DYRK1A: variants seen among roughly 807,000 people sequenced by gnomAD.
The protein encoded by DYRK1A is dual specificity tyrosine phosphorylation regulated kinase 1A, also known as dual specificity tyrosine-phosphorylation-regulated kinase 1A.
In DYRK1A, 9 loss-of-function variants were observed where a neutral mutation model predicts 79.7. The observed-to-expected ratio is 0.11, with a 90% CI of 0.07 to 0.20. The LOEUF is 0.20. Among genes scored for constraint, DYRK1A ranks in the 10% least tolerant of loss-of-function variants. The probability of loss-of-function intolerance (pLI) is 1.00; values close to 1 mark genes in which losing one functional copy is unlikely to be tolerated. For missense variants in DYRK1A, 622 were observed against 956.0 expected, an observed-to-expected ratio of 0.65 and a Z score of 4.61; for synonymous variants, 349 against 329.7, an observed-to-expected ratio of 1.06 and a Z score of -0.63.
At chr21:37,478,360 G>C in intron 4 of DYRK1A, 60 bp downstream of exon 4, 1 of 1,526,978 alleles carries the variant, frequency 6.5e-7, no homozygotes, top group Non-Finnish European at 8.9e-7. Context: ...GAAAAAAAGT[G>C]TGACCTATTT....
At chr21:37,455,135 A>G (rs913985614) in intron 2 of DYRK1A, among the ~76,000 whole-genome samples, 3 of 148,874 alleles carry the variant, frequency 2.0e-5, no homozygotes, top group African/African-American at 7.5e-5. Flanking sequence ...AGAGTGGTGT[A>G]TATATTTTGA....
Position 37,366,986 on chromosome 21 carries a change from G to A in DYRK1A, c.-719G>A. ...GACACCCCGAGCGGGGGGTGCGGGC[G>A]CCGCCGCCGCCGCTTCTGCTGCTGC... On this transcript the variant is annotated 5_prime_UTR_variant, in exon 1 of 12. Transcript: ENST00000647188. 6.1e-6 allele frequency: 1 copy of A among 163,360 alleles called. No homozygotes were observed. Among genetic ancestry groups the A allele is most frequent in the Non-Finnish European group, 1.3e-5 (1 of 75,200 alleles). The allele number at this position is 163,360 out of a possible 1,614,324, so 10.1% of individuals were successfully genotyped here.
At chr21:37,410,202 A>G (rs755991638) in intron 1 of DYRK1A, among the ~76,000 whole-genome samples, 1 of 152,208 alleles carries the variant, frequency 6.6e-6, no homozygotes, top group Non-Finnish European at 1.5e-5. Context: ...GTTTGTTAAG[A>G]TTTGAGAAGA....
intron 1 of DYRK1A, among the ~76,000 whole-genome samples, chr21:37,402,509 T>G (rs987069110): frequency 2.0e-5 from 3 of 152,232 alleles, no homozygotes; most frequent in African/African-American, 4.8e-5. Flanking sequence ...TACCAGTCTT[T>G]TCTTCTGGCT....
rs2053876001 is a variant in DYRK1A, at chr21:37,515,906, C to T, written c.*3375C>T. 1 of 151,910 alleles carries T rather than the reference C, an allele frequency of 6.6e-6. No homozygotes were observed. The highest frequency in any genetic ancestry group is 2.1e-4 in the South Asian group (1 of 4,814). 9.4% of individuals were successfully genotyped at this position (151,910 alleles called of 1,614,324 possible). A position where few individuals can be genotyped will look rare whatever the true frequency, so the allele number is the denominator to read the frequency against. On this transcript the variant is annotated 3_prime_UTR_variant, in exon 12 of 12. Coordinates refer to ENST00000647188, the MANE Select transcript of DYRK1A (RefSeq NM_001347721.2). ...AAAGATTCAGTAATTATGTTAGGCT[C>T]ACAAGTGACCATTGAGTTTGCCCCT...
chr21:37,408,272 G>A (rs1285707665), intron 1 of DYRK1A, among the ~76,000 whole-genome samples: 1 of 152,126 alleles, frequency 6.6e-6, no homozygotes, highest in Non-Finnish European at 1.5e-5. Flanking sequence ...GAAGATGACT[G>A]TACTTCTGAC....
rs1052254236 is a variant in DYRK1A, at chr21:37,514,884, A to C, written c.*2353A>C. On this transcript the variant is annotated 3_prime_UTR_variant, in exon 12 of 12. Transcript: ENST00000647188. ...GCCACATCTTAGCAAGCACCAAAAA[A>C]CTAAAGCAGTTTTTAAACCGATATT... 4 of 152,642 alleles carry C rather than the reference A, an allele frequency of 2.6e-5. No homozygotes were observed. Among genetic ancestry groups the C allele is most frequent in the Non-Finnish European group, 5.9e-5 (4 of 68,050 alleles). 9.5% of individuals were successfully genotyped at this position (152,642 alleles called of 1,614,324 possible). A position where few individuals can be genotyped will look rare whatever the true frequency, so the allele number is the denominator to read the frequency against.
At chr21:37,403,246 A>G (rs916734982) in intron 1 of DYRK1A, among the ~76,000 whole-genome samples, 6 of 151,774 alleles carry the variant, frequency 4.0e-5, no homozygotes, top group African/African-American at 7.3e-5. Context: ...GAGATCCCCT[A>G]TCTGTTCACA....
intron 1 of DYRK1A, among the ~76,000 whole-genome samples, chr21:37,412,401 C>A (rs1164455595): frequency 2.6e-5 from 4 of 152,134 alleles, no homozygotes; most frequent in African/African-American, 4.8e-5. Flanking sequence ...CACAGTAGTT[C>A]CCAAACTTCG....
At chr21:37,507,523 G>A (rs1474951066) in intron 11 of DYRK1A, among the ~76,000 whole-genome samples, 1 of 151,984 alleles carries the variant, frequency 6.6e-6, no homozygotes, top group African/African-American at 2.4e-5. Flanking sequence ...CGGTGTCAGC[G>A]GTGACCTTTA....
At position 37,526,340 on chromosome 21, in the gene DYRK1A, A is replaced by G. The variant is rs1182564278; in HGVS notation, c.*13809A>G. The G allele has an allele frequency of 6.6e-6, 1 of 152,192 alleles. No individual in the cohort carries two copies. The highest frequency in any genetic ancestry group is 1.5e-5 in the Non-Finnish European group (1 of 68,026). 9.4% of individuals were successfully genotyped at this position (152,192 alleles called of 1,614,324 possible). ...AAAATGTATAAATGTGTTTTATGTA[A>G]TAAATATGCTAAGCTAAACATCTTA... On this transcript the variant is annotated 3_prime_UTR_variant, in exon 12 of 12. Coordinates refer to ENST00000647188, the MANE Select transcript of DYRK1A (RefSeq NM_001347721.2).
chr21:37,468,915 A>T (rs1315185144), intron 2 of DYRK1A, among the ~76,000 whole-genome samples: 1 of 152,248 alleles, frequency 6.6e-6, no homozygotes, highest in Non-Finnish European at 1.5e-5. Context: ...CCTGTAACCA[A>T]TAGGGGCTCG....
At chr21:37,372,617 G>C (rs2049455583) in intron 1 of DYRK1A, among the ~76,000 whole-genome samples, 1 of 152,120 alleles carries the variant, frequency 6.6e-6, no homozygotes, top group Non-Finnish European at 1.5e-5. Flanking sequence ...TCTGTTGGCT[G>C]TGTGACTTTA....
At chr21:37,486,824 A>G (rs1455152649) in intron 6 of DYRK1A, 2 of 392,290 alleles carry the variant, frequency 5.1e-6, no homozygotes, top group Non-Finnish European at 4.5e-6. Context: ...GTAGCATACC[A>G]TGTAGAAACA....
intron 11 of DYRK1A, among the ~76,000 whole-genome samples, chr21:37,507,141 C>T (rs567652267): frequency 6.6e-6 from 1 of 152,288 alleles, no homozygotes; most frequent in East Asian, 1.9e-4. Flanking sequence ...GAACTCTCTC[C>T]ACTTTGTAAC....
At chr21:37,414,933 GAGTT>G (rs1569302471) in intron 1 of DYRK1A, among the ~76,000 whole-genome samples, 1 of 152,164 alleles carries the variant, frequency 6.6e-6, no homozygotes, top group Admixed American at 6.5e-5. Flanking sequence ...TACATATTTT[GAGTT>G]AGTAACAGAG....
intron 1 of DYRK1A, among the ~76,000 whole-genome samples, chr21:37,416,070 A>G (rs565637836): frequency 1.3e-5 from 2 of 152,286 alleles, no homozygotes; most frequent in South Asian, 4.1e-4. Context: ...ATGTGGGACC[A>G]TAGTTCACAA....
chr21:37,405,484 T>A (rs1021279840), intron 1 of DYRK1A, among the ~76,000 whole-genome samples: 2 of 152,200 alleles, frequency 1.3e-5, no homozygotes, highest in Non-Finnish European at 2.9e-5. Flanking sequence ...TTGTCTTGAC[T>A]GCACAGCCTT....
intron 9 of DYRK1A, among the ~76,000 whole-genome samples, chr21:37,501,099 A>T (rs756492970): frequency 1.3e-5 from 2 of 150,988 alleles, no homozygotes; most frequent in Non-Finnish European, 2.9e-5. Context: ...TAATGGTATA[A>T]ATTTCCCTCC....
Sources: allele counts gnomAD v4.1 joint callset (sites outside exome capture counted in the v4.1 genomes callset), GRCh38; gene constraint gnomAD v4.1.1; transcripts MANE v1.5; gene names NCBI Gene and HGNC (gene_info 2026-07-23, HGNC 2026-07-21).